Variants in RAB3B observed in about 807,000 individuals in gnomAD.
RAB3B encodes the protein RAB3B, member RAS oncogene family.
Under a neutral mutation model 20.5 loss-of-function variants are expected in RAB3B, and 11 were observed. That is an observed-to-expected ratio of 0.54 (90% CI 0.34 to 0.89). The LOEUF (loss-of-function observed/expected upper bound fraction) is 0.89. Among genes scored for constraint, RAB3B ranks in the 40% least tolerant of loss-of-function variants. The pLI is 0.02. For synonymous variants in RAB3B, 99 were observed against 106.3 expected (o/e 0.93, Z 0.42); for missense variants, 225 against 280.9 (o/e 0.80, Z 1.42).
chr1:51,925,653 T>C (rs1240004786), intron 4 of RAB3B, among the ~76,000 whole-genome samples: 1 of 152,226 alleles, frequency 6.6e-6, no homozygotes, highest in African/African-American at 2.4e-5. Context: ...ATTATTCATC[T>C]GTGGAATTAC....
intron 2 of RAB3B, among the ~76,000 whole-genome samples, chr1:51,962,565 A>G (rs892990015): frequency 1.3e-5 from 2 of 152,226 alleles, no homozygotes; most frequent in East Asian, 1.9e-4. Context: ...GTTCATGTCA[A>G]TTATGGCAAG....
chr1:51,931,385 A>G (rs1302497843), intron 4 of RAB3B, among the ~76,000 whole-genome samples: 3 of 152,108 alleles, frequency 2.0e-5, no homozygotes, highest in Non-Finnish European at 4.4e-5. Flanking sequence ...GCCCTGACCA[A>G]TTGGACTATG....
rs530519065 is a variant in RAB3B, at chr1:51,914,195, A to G, written c.*5732T>C. 6.6e-6 allele frequency: 1 copy of G among 152,332 alleles called. No individual in the cohort carries two copies. Among genetic ancestry groups the G allele is most frequent in the African/African-American group, 2.4e-5 (1 of 41,584 alleles). The allele number at this position is 152,332 out of a possible 1,614,324, so 9.4% of individuals were successfully genotyped here. A position where few individuals can be genotyped will look rare whatever the true frequency, so the allele number is the denominator to read the frequency against. ...GTCTAACAATGTTTCACAGGTAGAG[A>G]TATTCTTTCTCCTATCCTCAGTCTT... On this transcript the variant is annotated 3_prime_UTR_variant, in exon 5 of 5. Transcript: ENST00000371655.
At position 51,976,803 on chromosome 1, in the gene RAB3B, G is replaced by T; in HGVS notation, c.228+87C>A. 2 of 1,204,956 alleles carry T rather than the reference G, an allele frequency of 1.7e-6. 1 individual carries two copies. The highest frequency in any genetic ancestry group is 2.7e-5 in the South Asian group (2 of 73,360). The allele number at this position is 1,204,956 out of a possible 1,614,324, so 74.6% of individuals were successfully genotyped here. On this transcript the variant is annotated intron_variant, in intron 2 of 4. Coordinates refer to ENST00000371655, the MANE Select transcript of RAB3B (RefSeq NM_002867.4). ...ATGCCTGATGCTGTAAGGCCCAGAA[G>T]TTCCAAGCTGGCCCCACCTCTAAGC...
chr1:51,970,995 A>C (rs1684922728), intron 2 of RAB3B, among the ~76,000 whole-genome samples: 2 of 138,148 alleles, frequency 1.4e-5, no homozygotes, highest in African/African-American at 2.8e-5. Context: ...TGGGTGACAG[A>C]GCGAGACTCC....
intron 2 of RAB3B, among the ~76,000 whole-genome samples, chr1:51,976,591 T>C (rs1260184455): frequency 1.3e-5 from 2 of 152,108 alleles, no homozygotes; most frequent in Non-Finnish European, 2.9e-5. Context: ...GACTAGTAAG[T>C]GGTAGAAGCA....
chr1:51,973,121 C>G (rs894606898), intron 2 of RAB3B, among the ~76,000 whole-genome samples: 1 of 152,154 alleles, frequency 6.6e-6, no homozygotes, highest in Non-Finnish European at 1.5e-5. Flanking sequence ...CTATGGCTCC[C>G]CAGTGCCTAT....
Position 51,913,789 on chromosome 1 carries a change from A to T in RAB3B, c.*6138T>A, listed in dbSNP as rs1684042090. ...GCCAAGCCCTATTTCTCCATTTCTT[A>T]AAACTGGACTTGGCCATGGAACTTG... On this transcript the variant is annotated 3_prime_UTR_variant, in exon 5 of 5. Transcript: ENST00000371655. The T allele has an allele frequency of 1.3e-5, 2 of 152,186 alleles. No individual in the cohort carries two copies. Among genetic ancestry groups the T allele is most frequent in the Non-Finnish European group, 2.9e-5 (2 of 68,044 alleles). 9.4% of individuals were successfully genotyped at this position (152,186 alleles called of 1,614,324 possible).
intron 2 of RAB3B, among the ~76,000 whole-genome samples, chr1:51,943,990 G>A (rs538722541): frequency 7.9e-5 from 12 of 152,330 alleles, no homozygotes; most frequent in African/African-American, 2.9e-4. Context: ...TTTCAATGTA[G>A]ACAAAACAGC....
intron 2 of RAB3B, among the ~76,000 whole-genome samples, chr1:51,949,956 G>T (rs1265108081): frequency 6.6e-6 from 1 of 152,192 alleles, no homozygotes; most frequent in Admixed American, 6.5e-5. Flanking sequence ...TGAGGGTGGA[G>T]AATTTTATTG....
intron 4 of RAB3B, among the ~76,000 whole-genome samples, chr1:51,929,641 G>A (rs1571958874): frequency 1.3e-5 from 2 of 152,166 alleles, no homozygotes; most frequent in Admixed American, 1.3e-4. Flanking sequence ...ATTAAAGCTA[G>A]TTTGATTTGC....
chr1:51,973,151 C>T (rs1264883807), intron 2 of RAB3B, among the ~76,000 whole-genome samples: 1 of 152,176 alleles, frequency 6.6e-6, no homozygotes, highest in African/African-American at 2.4e-5. Flanking sequence ...CTCCAACTTA[C>T]ATCCCTTTAA....
chr1:51,966,400 T>C (rs2124296645), intron 2 of RAB3B, among the ~76,000 whole-genome samples: 1 of 152,336 alleles, frequency 6.6e-6, no homozygotes, highest in Middle Eastern at 3.4e-3. Flanking sequence ...AATATGTACA[T>C]GACACATGTT....
At chr1:51,979,428 G>A (rs909865034) in intron 1 of RAB3B, among the ~76,000 whole-genome samples, 4 of 151,946 alleles carry the variant, frequency 2.6e-5, no homozygotes, top group Non-Finnish European at 5.9e-5. Context: ...CTGCCACCAT[G>A]CCTAGTTAAT....
intron 2 of RAB3B, among the ~76,000 whole-genome samples, chr1:51,970,202 C>G (rs1455854490): frequency 6.6e-6 from 1 of 152,166 alleles, no homozygotes; most frequent in Non-Finnish European, 1.5e-5. Flanking sequence ...CAGACAGCCT[C>G]TGCAATGGGC....
At chr1:51,957,065 C>G (rs540468954) in intron 2 of RAB3B, among the ~76,000 whole-genome samples, 86 of 151,972 alleles carry the variant, frequency 5.7e-4, no homozygotes, top group African/African-American at 1.8e-3. Context: ...TCTATATAAA[C>G]TCTTTTCATG....
In RAB3B at chr1:51,913,180, C is replaced by G. The variant is rs917392770; in HGVS notation, c.*6747G>C. On this transcript the variant is annotated 3_prime_UTR_variant, in exon 5 of 5. Coordinates refer to ENST00000371655, the MANE Select transcript of RAB3B (RefSeq NM_002867.4). ...AGTCAGATTCATCCCTCGGGGATAGCTAAGAGGTATCCAAATGGACTGTTT... is the reference window on the plus strand; with the variant it reads ...AGTCAGATTCATCCCTCGGGGATAGGTAAGAGGTATCCAAATGGACTGTTT... The G allele has an allele frequency of 2.0e-5, 3 of 152,142 alleles. No homozygotes were observed. Among genetic ancestry groups the G allele is most frequent in the African/African-American group, 7.2e-5 (3 of 41,422 alleles). 9.4% of individuals were successfully genotyped at this position (152,142 alleles called of 1,614,324 possible). A position where few individuals can be genotyped will look rare whatever the true frequency, so the allele number is the denominator to read the frequency against.
intron 2 of RAB3B, among the ~76,000 whole-genome samples, chr1:51,944,841 A>G (rs1684543608): frequency 6.6e-6 from 1 of 152,188 alleles, no homozygotes; most frequent in African/African-American, 2.4e-5. Flanking sequence ...ACAACAAAGG[A>G]TTTAGAATAT....
At chr1:51,959,277 T>C (rs1380264083) in intron 2 of RAB3B, among the ~76,000 whole-genome samples, 1 of 152,012 alleles carries the variant, frequency 6.6e-6, no homozygotes, top group Non-Finnish European at 1.5e-5. Flanking sequence ...CTCAGCACTT[T>C]AGGAGGCCTC....
Sources: gnomAD v4.1 joint callset for allele counts (sites outside exome capture counted in the v4.1 genomes callset) on GRCh38, gnomAD v4.1.1 for gene constraint, MANE v1.5 for transcripts, NCBI Gene and HGNC (gene_info 2026-07-23, HGNC 2026-07-21) for gene names.